The following BICRAL variants were observed in gnomAD, a reference collection of about 807,000 sequenced individuals.
BICRAL encodes the protein BRD4-interacting chromatin-remodeling complex-associated protein-like.
Under a neutral mutation model 91.8 loss-of-function variants are expected in BICRAL, and 8 were observed. That is an observed-to-expected ratio of 0.09 (90% CI 0.05 to 0.16). BICRAL has a LOEUF of 0.16. Among genes scored for constraint, BICRAL ranks in the 10% least tolerant of loss-of-function variants. The probability of loss-of-function intolerance (pLI) is 1.00; values close to 1 mark genes in which losing one functional copy is unlikely to be tolerated. For missense variants in BICRAL, 1,038 were observed against 1,310.9 expected (o/e 0.79, Z 3.21); for synonymous variants, 445 against 491.1 (o/e 0.91, Z 1.24).
At chr6:42,849,462 G>C (rs1181883280) in intron 6 of BICRAL, among the ~76,000 whole-genome samples, 13 of 135,912 alleles carry the variant, frequency 9.6e-5, no homozygotes, top group Admixed American at 6.8e-4. Context: ...TTTTTTTTGA[G>C]ACAGTCTCAC....
At chr6:42,784,597 C>G (rs968577063) in intron 1 of BICRAL, among the ~76,000 whole-genome samples, 1 of 152,142 alleles carries the variant, frequency 6.6e-6, no homozygotes, top group African/African-American at 2.4e-5. Flanking sequence ...ATTTTATGAT[C>G]TGTCTACCGG....
chr6:42,807,612 A>T (rs1368740801), intron 1 of BICRAL, among the ~76,000 whole-genome samples: 1 of 151,892 alleles, frequency 6.6e-6, no homozygotes, highest in East Asian at 2.0e-4. Context: ...GATTGAGACC[A>T]TCCTGGCCAA....
chr6:42,806,319 G>A (rs914653549), intron 1 of BICRAL, among the ~76,000 whole-genome samples: 7 of 152,148 alleles, frequency 4.6e-5, no homozygotes, highest in Admixed American at 3.9e-4. Context: ...AGATGAATCA[G>A]AATCTCCAGG....
rs1392266226 is a variant in BICRAL at position 42,829,303 on chromosome 6, A to T, written c.970A>T (p.Asn324Tyr). 1 of 1,614,254 alleles carries T rather than the reference A, an allele frequency of 6.2e-7. No homozygotes were observed. Among genetic ancestry groups the T allele is most frequent in the Admixed American group, 1.7e-5 (1 of 60,026 alleles). The change falls in exon 6 of 13, where the codon AAT becomes TAT. Residue 324 changes from asparagine (N) to tyrosine (Y), a missense_variant. Asn to Tyr is a moderately radical substitution (Grantham distance 143, BLOSUM62 -2). Around this residue, in one of 5 missense-constraint regions of BICRAL, gnomAD observed 532 missense variants for 724.9 expected, o/e 0.73. Coordinates refer to ENST00000314073, the MANE Select transcript of BICRAL (RefSeq NM_001393499.1). ...QPKPIQMGQQ[N>Y]TYNVNNLGIQ... ...AAAGCCTATCCAGATGGGTCAGCAAAATACATACAATGTGAACAATTTGGG... is the reference window on the plus strand; with the variant it reads ...AAAGCCTATCCAGATGGGTCAGCAATATACATACAATGTGAACAATTTGGG...
rs34115804 is a variant in BICRAL at position 42,844,508 on chromosome 6, C to CAAAA, written c.1840-7550_1840-7547dup. Among the ~76,000 whole-genome samples, 38 of 31,458 alleles carry CAAAA rather than the reference C, an allele frequency of 1.2e-3. 6 individuals carry two copies. The highest frequency in any genetic ancestry group is 2.0e-3 in the Non-Finnish European group (26 of 12,924). The allele number at this position is 31,458 out of a possible 152,430, so 20.6% of individuals were successfully genotyped here. A position where few individuals can be genotyped will look rare whatever the true frequency, so the allele number is the denominator to read the frequency against. On this transcript the variant is annotated intron_variant, in intron 6 of 12. Transcript: ENST00000314073. ...TGGGCTACAGAGCAAGACTCCATCT[C>CAAAA]AAAAAAAAAAAAAAAAAAAAAAAAA... is the stretch of plus-strand genomic sequence containing the variant.
chr6:42,794,308 G>T (rs1244086813), intron 1 of BICRAL, among the ~76,000 whole-genome samples: 2 of 151,914 alleles, frequency 1.3e-5, no homozygotes, highest in Non-Finnish European at 1.5e-5. Flanking sequence ...ATGACATTTG[G>T]GTAACCATGT....
At chr6:42,778,647 C>T (rs1762836080), upstream of BICRAL, among the ~76,000 whole-genome samples, 2 of 152,156 alleles carry the variant, frequency 1.3e-5, no homozygotes, top group African/African-American at 4.8e-5. Context: ...CCTTGCAATT[C>T]TGGCTGACTT....
intron 12 of BICRAL, 124 bp from the exon 13 acceptor site, chr6:42,864,533 ATG>A (rs903355698): frequency 2.7e-6 from 2 of 728,344 alleles, no homozygotes; most frequent in African/African-American, 3.5e-5. Flanking sequence ...ATGTTCCTGT[ATG>A]TGAAGCAGAT....
chr6:42,754,633 T>A (rs1762433646), intron 1 of BICRAL, among the ~76,000 whole-genome samples: 1 of 152,260 alleles, frequency 6.6e-6, no homozygotes, highest in South Asian at 2.1e-4. Context: ...AGTTCATGCC[T>A]GTAATGCCAG....
chr6:42,853,776 G>C, intron 8 of BICRAL, 38 bp downstream of exon 8: 1 of 1,378,670 alleles, frequency 7.3e-7, no homozygotes, highest in Non-Finnish European at 1.0e-6. Context: ...CTAATGTTCG[G>C]CATAATTGAA....
At chr6:42,862,408 G>A in intron 11 of BICRAL, 102 bp from the exon 12 acceptor site, 3 of 778,006 alleles carry the variant, frequency 3.9e-6, no homozygotes, top group Non-Finnish European at 6.8e-6. Flanking sequence ...CACATGCCCT[G>A]TAGTATCTTT....
At chr6:42,835,554 A>T (rs1247206657) in intron 6 of BICRAL, among the ~76,000 whole-genome samples, 1 of 152,196 alleles carries the variant, frequency 6.6e-6, no homozygotes, top group Non-Finnish European at 1.5e-5. Flanking sequence ...CATTGTAAAA[A>T]AAAAAAAAAC....
intron 11 of BICRAL, 114 bp from the exon 12 acceptor site, chr6:42,862,396 T>C (rs116524337): frequency 0.04 from 29,290 of 727,448 alleles, 788 homozygotes; most frequent in Non-Finnish European, 0.053. Flanking sequence ...AGGCTCACTT[T>C]TCACATGCCC....
rs1762767299 is a variant in BICRAL, at chr6:42,773,433, G to T, written c.-260-8406G>T. On this transcript the variant is annotated intron_variant, in intron 1 of 14. Coordinates refer to the BICRAL transcript ENST00000614467. ...AAGCATCGCCATGTTGCCCAGGCTGGTCTCGAACTTCTGGGCTCAAGCAGT... is the reference window on the plus strand; with the variant it reads ...AAGCATCGCCATGTTGCCCAGGCTGTTCTCGAACTTCTGGGCTCAAGCAGT... Among the ~76,000 whole-genome samples the T allele has an allele frequency of 2.0e-5, 3 of 152,108 alleles. No individual in the cohort carries two copies. In the South Asian group the frequency reaches 6.2e-4, roughly 31 times the overall value.
upstream of BICRAL, among the ~76,000 whole-genome samples, chr6:42,781,487 T>G (rs550371043): frequency 2.0e-4 from 31 of 151,984 alleles, no homozygotes; most frequent in African/African-American, 6.8e-4. Flanking sequence ...GCAAAACGTA[T>G]TCACTGAGGC....
chr6:42,832,058 T>C (rs1179494172), intron 6 of BICRAL, among the ~76,000 whole-genome samples: 2 of 151,638 alleles, frequency 1.3e-5, no homozygotes, highest in African/African-American at 4.8e-5. Context: ...CTTTTAAATA[T>C]ATATATCGGC....
intron 6 of BICRAL, 47 bp downstream of exon 6, chr6:42,830,219 A>G: frequency 1.3e-6 from 2 of 1,572,700 alleles, no homozygotes; most frequent in Non-Finnish European, 8.7e-7. Flanking sequence ...TAGAATGGAA[A>G]AATGAGATGT....
At chr6:42,845,772 A>T (rs79242458) in intron 6 of BICRAL, among the ~76,000 whole-genome samples, 13 of 152,182 alleles carry the variant, frequency 8.5e-5, no homozygotes, top group Non-Finnish European at 1.8e-4. Context: ...TTAAAAAGTT[A>T]TAGATTCCTG....
chr6:42,817,044 C>T (rs1178946191), intron 2 of BICRAL, among the ~76,000 whole-genome samples: 5 of 151,674 alleles, frequency 3.3e-5, no homozygotes, highest in African/African-American at 7.3e-5. Context: ...GTGTATCTTC[C>T]TCTGTTCCCC....
Sources: allele counts gnomAD v4.1 joint callset (sites outside exome capture counted in the v4.1 genomes callset), GRCh38; gene constraint gnomAD v4.1.1; regional missense constraint gnomAD v4.1.1; transcripts MANE v1.5; gene names NCBI Gene and HGNC (gene_info 2026-07-23, HGNC 2026-07-21).